Variants in RABGAP1L observed in about 807,000 individuals in gnomAD.
RABGAP1L encodes the protein rab GTPase-activating protein 1-like.
RABGAP1L carries 63 observed loss-of-function variants against 137.7 expected under a neutral mutation model. The ratio of observed to expected loss-of-function variants is 0.46; its 90% confidence interval spans 0.37 to 0.56. RABGAP1L has a LOEUF of 0.56. Ranked by LOEUF, RABGAP1L falls within the 20% of genes least tolerant of loss-of-function variation. RABGAP1L has a pLI of 0.00. For missense variants in RABGAP1L, 1,095 were observed against 1,244.0 expected (o/e 0.88, Z 1.80); for synonymous variants, 431 against 433.7 (o/e 0.99, Z 0.08).
intron 1 of RABGAP1L, among the ~76,000 whole-genome samples, chr1:174,182,820 A>G (rs773941325): frequency 6.6e-6 from 1 of 152,230 alleles, no homozygotes; most frequent in African/African-American, 2.4e-5. Context: ...GCCCTGACAA[A>G]TACATCAACT....
At chr1:174,174,729 A>G (rs2148253196) in intron 1 of RABGAP1L, among the ~76,000 whole-genome samples, 1 of 152,318 alleles carries the variant, frequency 6.6e-6, no homozygotes, top group Admixed American at 6.5e-5. Flanking sequence ...GAGGGCAAGA[A>G]AGACAAATGT....
chr1:174,717,835 CA>C (rs1192336874), intron 17 of RABGAP1L, among the ~76,000 whole-genome samples: 1 of 152,184 alleles, frequency 6.6e-6, no homozygotes, highest in Non-Finnish European at 1.5e-5. Context: ...AGCATGGTAA[CA>C]GTCCAATACT....
intron 21 of RABGAP1L, among the ~76,000 whole-genome samples, chr1:174,971,352 G>A (rs79354096): frequency 0.02 from 3,025 of 152,004 alleles, 104 homozygotes; most frequent in African/African-American, 0.07. Context: ...AACCCTTTAT[G>A]TGAGTCAGTC....
intron 18 of RABGAP1L, among the ~76,000 whole-genome samples, chr1:174,754,993 A>G (rs932959726): frequency 2.0e-5 from 3 of 152,232 alleles, no homozygotes; most frequent in Non-Finnish European, 2.9e-5. Flanking sequence ...TTATTTGTAG[A>G]ATAGTAATGG....
chr1:174,967,463 G>A (rs1400764846), intron 20 of RABGAP1L, among the ~76,000 whole-genome samples: 1 of 150,662 alleles, frequency 6.6e-6, no homozygotes, highest in Non-Finnish European at 1.5e-5. Context: ...TCAGCCTCCC[G>A]AGTAGCTGAG....
chr1:174,886,038 A>G (rs1254922551), intron 19 of RABGAP1L, among the ~76,000 whole-genome samples: 1 of 143,322 alleles, frequency 7.0e-6, no homozygotes, highest in African/African-American at 2.6e-5. Context: ...TTTGAGACAG[A>G]GTTTTGCTCT....
intron 1 of RABGAP1L, among the ~76,000 whole-genome samples, chr1:174,194,492 C>G (rs759147941): frequency 2.5e-4 from 38 of 152,188 alleles, no homozygotes; most frequent in Non-Finnish European, 5.1e-4. Context: ...CCTCAGCCTC[C>G]CAAAGTGCTG....
At chr1:174,809,995 A>G (rs1689715794) in intron 18 of RABGAP1L, among the ~76,000 whole-genome samples, 1 of 152,306 alleles carries the variant, frequency 6.6e-6, no homozygotes, top group Middle Eastern at 3.4e-3. Context: ...GAAATCTGAG[A>G]TGTACTGGAG....
At position 174,433,660 on chromosome 1, in the gene RABGAP1L, T is replaced by C. The variant is rs1306158662; in HGVS notation, c.1710+39515T>C. Among the ~76,000 whole-genome samples, 3 of 152,238 alleles carry C rather than the reference T, an allele frequency of 2.0e-5. No individual in the cohort carries two copies. The South Asian group carries it at 6.2e-4, about 31-fold the overall frequency. On this transcript the variant is annotated intron_variant, in intron 13 of 25. Transcript: ENST00000681986. Reference sequence around the variant, plus strand: ...CAAACACTGAGCCATGAGTCAGATATACTGATTGAGTGTGAAAGTATGTGC... The same window carrying C: ...CAAACACTGAGCCATGAGTCAGATACACTGATTGAGTGTGAAAGTATGTGC...
chr1:174,526,021 G>C lies in RABGAP1L; in HGVS notation c.1711-111354G>C, dbSNP rs188824129. On this transcript the variant is annotated intron_variant, in intron 13 of 25. Transcript: ENST00000681986. ...TGTATTATTTGATTTTCGTTTCCCT[G>C]ATGATTAGTGATGTTGAACATTTTT... 4.1e-3 allele frequency among the ~76,000 whole-genome samples: 618 copies of C among 152,146 alleles called. 3 individuals carry two copies. Among genetic ancestry groups the C allele is most frequent in the Middle Eastern group, 0.014 (4 of 292 alleles).
At chr1:174,872,460 G>A (rs1368587625) in intron 19 of RABGAP1L, among the ~76,000 whole-genome samples, 2 of 152,000 alleles carry the variant, frequency 1.3e-5, no homozygotes, top group African/African-American at 4.8e-5. Flanking sequence ...GAGCACATGG[G>A]CTTTGTAATG....
chr1:174,710,510 G>T (rs1445431252), intron 17 of RABGAP1L, among the ~76,000 whole-genome samples: 1 of 152,174 alleles, frequency 6.6e-6, no homozygotes, highest in Non-Finnish European at 1.5e-5. Context: ...AGAAGAGAGT[G>T]GGGGCCAATT....
At chr1:174,744,246 G>A (rs1410152772) in intron 17 of RABGAP1L, among the ~76,000 whole-genome samples, 1 of 152,026 alleles carries the variant, frequency 6.6e-6, no homozygotes, top group Non-Finnish European at 1.5e-5. Flanking sequence ...AACTTTCAAA[G>A]AGATTAAAAC....
Position 174,598,811 on chromosome 1 carries a change from T to C in RABGAP1L, c.1711-38564T>C, listed in dbSNP as rs376158037. Among the ~76,000 whole-genome samples the C allele has an allele frequency of 6.6e-5, 10 of 152,290 alleles. 1 individual carries two copies. The highest frequency in any genetic ancestry group is 2.4e-4 in the African/African-American group (10 of 41,580). Reference sequence around the variant, plus strand: ...GTGTCTTTATTGATGAAATATTTCTTGTAGCCAAAAGATCATTGGGTCTTT... The same window carrying C: ...GTGTCTTTATTGATGAAATATTTCTCGTAGCCAAAAGATCATTGGGTCTTT... On this transcript the variant is annotated intron_variant, in intron 13 of 25. Coordinates refer to ENST00000681986, the MANE Select transcript of RABGAP1L (RefSeq NM_001366446.1).
rs74128376 is a variant in RABGAP1L, at chr1:174,384,995, A to G, written c.1560-9000A>G. Reference sequence around the variant, plus strand: ...ATCTGGCTTCATCTTGAACCCTGGGAATGTTACTTGACTAATTTGTGTCTT... The same window carrying G: ...ATCTGGCTTCATCTTGAACCCTGGGGATGTTACTTGACTAATTTGTGTCTT... On this transcript the variant is annotated intron_variant, in intron 12 of 25. Transcript: ENST00000681986. Among the ~76,000 whole-genome samples the G allele has an allele frequency of 5.8e-3, 879 of 152,300 alleles. 8 individuals carry two copies. Among genetic ancestry groups the G allele is most frequent in the African/African-American group, 0.02 (839 of 41,566 alleles).
At chr1:174,890,142 G>T (rs566364390) in intron 19 of RABGAP1L, among the ~76,000 whole-genome samples, 13 of 152,122 alleles carry the variant, frequency 8.5e-5, no homozygotes, top group Non-Finnish European at 1.5e-4. Flanking sequence ...TACCTCCTAC[G>T]TGCATAGCAC....
intron 18 of RABGAP1L, among the ~76,000 whole-genome samples, chr1:174,804,048 T>A (rs1337504353): frequency 6.6e-6 from 1 of 151,500 alleles, no homozygotes; most frequent in African/African-American, 2.4e-5. Context: ...AGAATGAGAT[T>A]CCGTCTAAAA....
chr1:174,883,654 A>T (rs1433437717), intron 19 of RABGAP1L, among the ~76,000 whole-genome samples: 9 of 152,172 alleles, frequency 5.9e-5, no homozygotes, highest in Non-Finnish European at 1.0e-4. Flanking sequence ...GATGAGATCA[A>T]ATTACTGCAG....
chr1:174,420,677 GT>G (rs67587872), intron 13 of RABGAP1L, among the ~76,000 whole-genome samples: 41 of 133,970 alleles, frequency 3.1e-4, no homozygotes, highest in South Asian at 1.4e-3. Context: ...TGGGTGTTTT[GT>G]TTTTTTTTTT....
Sources: gnomAD v4.1 joint callset for allele counts (sites outside exome capture counted in the v4.1 genomes callset) on GRCh38, gnomAD v4.1.1 for gene constraint, MANE v1.5 for transcripts, NCBI Gene and HGNC (gene_info 2026-07-23, HGNC 2026-07-21) for gene names.